Variants in OTULIN observed in about 807,000 individuals in gnomAD.
OTULIN encodes the protein OTU deubiquitinase with linear linkage specificity.
A neutral mutation model predicts 39.6 loss-of-function variants in OTULIN; 15 were observed. The ratio of observed to expected loss-of-function variants is 0.38; its 90% CI spans 0.25 to 0.58. OTULIN has a LOEUF of 0.58. Among genes scored for constraint, OTULIN ranks in the 20% least tolerant of loss-of-function variants. OTULIN has a pLI of 0.66. For synonymous variants in OTULIN, 156 were observed against 170.3 expected, an observed-to-expected ratio of 0.92 and a Z score of 0.65; for missense variants, 319 against 445.9, an observed-to-expected ratio of 0.72 and a Z score of 2.56.
At chr5:14,716,390 G>A in the OTULIN span, among the ~76,000 whole-genome samples, 1 of 152,172 alleles carries the variant, frequency 6.6e-6, no homozygotes, top group Admixed American at 6.5e-5. Context: ...CTACTTGGGA[G>A]GCTGAACAGG....
chr5:14,688,160 C>A (rs1347554129), intron 5 of OTULIN, among the ~76,000 whole-genome samples: 1 of 152,066 alleles, frequency 6.6e-6, no homozygotes, highest in Non-Finnish European at 1.5e-5. Flanking sequence ...TCTTCTGATT[C>A]CTATTGATTT....
chr5:14,713,617 A>T, the OTULIN span: 1 of 1,614,182 alleles, frequency 6.2e-7, no homozygotes, highest in Non-Finnish European at 8.5e-7. The surrounding 1 kb of genome is among the most constrained non-coding windows in gnomAD (Gnocchi z 4.4). Context: ...GCAAGGACGA[A>T]GGTTTTCTTC....
chr5:14,691,034 T>A (rs1736511955), intron 6 of OTULIN, among the ~76,000 whole-genome samples: 1 of 152,228 alleles, frequency 6.6e-6, no homozygotes, highest in African/African-American at 2.4e-5. Flanking sequence ...TGCTCTTGGA[T>A]CTTTTACAGA....
downstream of OTULIN, among the ~76,000 whole-genome samples, chr5:14,703,307 A>T (rs1736843803): frequency 6.9e-6 from 1 of 144,784 alleles, no homozygotes; most frequent in Non-Finnish European, 1.5e-5. Flanking sequence ...GCACCTTAGC[A>T]TTACCTTTAA....
chr5:14,691,615 A>ATT (rs1736530045), intron 6 of OTULIN, among the ~76,000 whole-genome samples: 2 of 150,772 alleles, frequency 1.3e-5, no homozygotes, highest in Non-Finnish European at 3.0e-5. Context: ...TTTTTTTTCA[A>ATT]TAAGAAATTT....
At position 14,694,180 on chromosome 5, in the gene OTULIN, G is replaced by A. The variant is rs1402707874; in HGVS notation, c.*1132G>A. On this transcript the variant is annotated 3_prime_UTR_variant, in exon 7 of 7. Coordinates refer to ENST00000284274, the MANE Select transcript of OTULIN (RefSeq NM_138348.6). ...AGTACATTTAAGCGGAAGCATACGG[G>A]AATATGAGTGCAAAAGTGTGGCTGA... 6.6e-6 allele frequency: 1 copy of A among 152,218 alleles called. No homozygotes were observed. Among genetic ancestry groups the A allele is most frequent in the Non-Finnish European group, 1.5e-5 (1 of 68,050 alleles). 9.4% of individuals were successfully genotyped at this position (152,218 alleles called of 1,614,324 possible). A position where few individuals can be genotyped will look rare whatever the true frequency, so the allele number is the denominator to read the frequency against.
chr5:14,670,725 C>T (rs1735959313), intron 1 of OTULIN, among the ~76,000 whole-genome samples: 2 of 152,120 alleles, frequency 1.3e-5, no homozygotes, highest in Admixed American at 6.5e-5. Flanking sequence ...TCTCCTCAGC[C>T]TCCTTTCTAG....
intron 1 of OTULIN, among the ~76,000 whole-genome samples, chr5:14,671,403 T>C (rs1735974971): frequency 6.6e-6 from 1 of 152,214 alleles, no homozygotes; most frequent in East Asian, 1.9e-4. Flanking sequence ...CGTGGGGAAG[T>C]GGCTTGCCCA....
chr5:14,713,072 G>A, the OTULIN span: 34 of 1,159,120 alleles, frequency 2.9e-5, no homozygotes, highest in Non-Finnish European at 4.3e-5. The surrounding 1 kb of genome is among the most constrained non-coding windows in gnomAD (Gnocchi z 4.4). Flanking sequence ...CCTCGAGACG[G>A]CTGAGACCAG....
the OTULIN span, among the ~76,000 whole-genome samples, chr5:14,715,320 G>A: frequency 6.6e-6 from 1 of 152,164 alleles, no homozygotes; most frequent in Non-Finnish European, 1.5e-5. Flanking sequence ...TAGTAGAGAC[G>A]GGGTTTCACC....
the OTULIN span, among the ~76,000 whole-genome samples, chr5:14,715,737 A>G: frequency 6.7e-6 from 1 of 149,310 alleles, no homozygotes; most frequent in Non-Finnish European, 1.5e-5. Context: ...CATATTTGCT[A>G]TGGAAATGGT....
At chr5:14,681,773 C>T (rs1238763361) in intron 4 of OTULIN, 166 bp downstream of exon 4, 4 of 739,530 alleles carry the variant, frequency 5.4e-6, no homozygotes, top group Non-Finnish European at 8.2e-6. Flanking sequence ...GTTAAATGAC[C>T]AAAAATAATT....
chr5:14,669,689 T>G (rs1009831495), intron 1 of OTULIN, among the ~76,000 whole-genome samples: 3 of 152,164 alleles, frequency 2.0e-5, no homozygotes, highest in Non-Finnish European at 4.4e-5. Flanking sequence ...GAAGACTGCT[T>G]GAGCCCAGGA....
At chr5:14,713,502 G>A in the OTULIN span, 45 of 1,612,396 alleles carry the variant, frequency 2.8e-5, no homozygotes, top group Non-Finnish European at 3.4e-5. This position sits in a 1 kb window ranked among gnomAD's most constrained non-coding sequence, Gnocchi z 4.4. Context: ...CAGTATTGAA[G>A]TGGCAGAAGG....
the OTULIN span, among the ~76,000 whole-genome samples, chr5:14,712,556 G>T: frequency 3.9e-5 from 6 of 152,222 alleles, no homozygotes; most frequent in Admixed American, 1.3e-4. Flanking sequence ...CATGTCTGCG[G>T]GTCATTCCCC....
intron 1 of OTULIN, among the ~76,000 whole-genome samples, chr5:14,667,085 C>G (rs1560989847): frequency 6.6e-6 from 1 of 152,258 alleles, no homozygotes; most frequent in South Asian, 2.1e-4. Flanking sequence ...AATGTTTACA[C>G]TTAGAAGTGT....
chr5:14,678,813 A>C, intron 3 of OTULIN, 38 bp downstream of exon 3: 6 of 1,356,446 alleles, frequency 4.4e-6, no homozygotes, highest in Non-Finnish European at 6.2e-6. Flanking sequence ...GGTCTTTCAA[A>C]TAGTCTATCA....
At chr5:14,687,356 C>A (rs1486649026) in intron 4 of OTULIN, among the ~76,000 whole-genome samples, 165 bp from the exon 5 acceptor site, 2 of 152,214 alleles carry the variant, frequency 1.3e-5, no homozygotes, top group African/African-American at 4.8e-5. Flanking sequence ...TTCCTGACTT[C>A]TAGATTTAGG....
chr5:14,681,791 C>T (rs1013190525), intron 4 of OTULIN, among the ~76,000 whole-genome samples, 184 bp downstream of exon 4: 2 of 151,978 alleles, frequency 1.3e-5, no homozygotes, highest in Non-Finnish European at 2.9e-5. Context: ...ATTGGTGTTT[C>T]CTAGAAGAGA....
Sources: allele counts gnomAD v4.1 joint callset (sites outside exome capture counted in the v4.1 genomes callset), GRCh38; gene constraint gnomAD v4.1.1; non-coding constraint Gnocchi (gnomAD v3.1); transcripts MANE v1.5; gene names NCBI Gene and HGNC (gene_info 2026-07-23, HGNC 2026-07-21).